The following PCYOX1L variants were observed in gnomAD, a reference collection of about 807,000 sequenced individuals.
PCYOX1L encodes prenylcysteine oxidase 1-like.
In PCYOX1L, 40 loss-of-function variants were observed where a neutral mutation model predicts 44.1. The ratio of observed to expected loss-of-function variants is 0.91; its 90% CI spans 0.70 to 1.18. The LOEUF is 1.18. PCYOX1L is among the 50% of genes most tolerant of loss of function. The pLI, the probability that PCYOX1L is intolerant of heterozygous loss-of-function variation, is 0.00. For synonymous variants in PCYOX1L, 266 were observed against 282.8 expected, an observed-to-expected ratio of 0.94 and a Z score of 0.60; for missense variants, 605 against 653.3, an observed-to-expected ratio of 0.93 and a Z score of 0.81.
intron 1 of PCYOX1L, among the ~76,000 whole-genome samples, chr5:149,360,794 G>A (rs1757986421): frequency 6.6e-6 from 1 of 152,180 alleles, no homozygotes; most frequent in Non-Finnish European, 1.5e-5. Context: ...GAGAAGCCTA[G>A]ACAGACAAGA....
At chr5:149,363,872 G>T in intron 2 of PCYOX1L, 164 bp from the exon 3 acceptor site, 1 of 677,092 alleles carries the variant, frequency 1.5e-6, no homozygotes, top group Non-Finnish European at 2.3e-6. Context: ...TTATTGACTT[G>T]GTAGTCCAAA....
In PCYOX1L at chr5:149,362,701, T is replaced by G; in HGVS notation, c.153T>G (p.Pro51=). 1 of 1,614,162 alleles carries G rather than the reference T, an allele frequency of 6.2e-7. No individual in the cohort carries two copies. The highest frequency in any genetic ancestry group is 1.3e-5 in the African/African-American group (1 of 75,034). The stretch of plus-strand genomic sequence containing the variant: ...ATTTTCTCCAGCAGCACTTTGGACC[T>G]CGGGTGCAGATCGACGTGTACGAGA... ...VAHFLQQHFG[P]RVQIDVYEKG... The change falls in exon 2 of 6, where the codon CCT becomes CCG. Residue 51 remains proline (P), a synonymous_variant. Transcript: ENST00000274569.
At chr5:149,365,822 C>T (rs917634125) in intron 3 of PCYOX1L, 120 bp from the exon 4 acceptor site, 4 of 862,800 alleles carry the variant, frequency 4.6e-6, no homozygotes, top group Non-Finnish European at 7.3e-6. Context: ...TCTTCTGCCA[C>T]CACTCCATGT....
chr5:149,367,241 C>A, intron 4 of PCYOX1L, 119 bp from the exon 5 acceptor site: 1 of 1,258,000 alleles, frequency 7.9e-7, no homozygotes, highest in Non-Finnish European at 1.1e-6. Flanking sequence ...TCTCCCCATG[C>A]CCATGGTTGG....
Position 149,368,363 on chromosome 5 carries a change from C to T in PCYOX1L, c.1194C>T (p.Ser398=). The change falls in exon 6 of 6, where the codon TCC becomes TCT. Residue 398 remains serine, a synonymous_variant. Coordinates refer to ENST00000274569, the MANE Select transcript of PCYOX1L (RefSeq NM_024028.4). ...AGGCAGCTGTTTGGCGAGTCCAGTC[C>T]CCCAAGCCCCTCTTTCGGACCCAGC... ...PQEAAVWRVQ[S]PKPLFRTQLK... 1.2e-6 allele frequency: 2 copies of T among 1,614,156 alleles called. No individual in the cohort carries two copies. Among genetic ancestry groups the T allele is most frequent in the South Asian group, 1.1e-5 (1 of 91,082 alleles).
intron 1 of PCYOX1L, 40 bp from the exon 2 acceptor site, chr5:149,362,597 T>G: frequency 6.2e-7 from 1 of 1,608,330 alleles, no homozygotes; most frequent in African/African-American, 1.3e-5. Context: ...ACTCTCATGT[T>G]CTGTCTCTCT....
chr5:149,364,288 T>C (rs1238074211), intron 3 of PCYOX1L, 78 bp downstream of exon 3: 15 of 1,545,894 alleles, frequency 9.7e-6, no homozygotes, highest in Admixed American at 3.9e-5. Flanking sequence ...TTGCCTGTAC[T>C]TTGTGAAAAA....
intron 3 of PCYOX1L, chr5:149,364,661 T>G: frequency 6.4e-6 from 1 of 155,832 alleles, no homozygotes. Flanking sequence ...AAATCCAGAG[T>G]CGTGTGTGAA....
rs1350232882 is a variant in PCYOX1L, at chr5:149,364,088, G to A, written c.348G>A (p.Glu116=). ...VVGRSAIFGG[E]HFMLEETDWY... ...GCAGGAGCGCCATCTTCGGCGGGGAGCACTTCATGCTGGAGGAGACTGACT... is the reference window on the plus strand; with the variant it reads ...GCAGGAGCGCCATCTTCGGCGGGGAACACTTCATGCTGGAGGAGACTGACT... Residue 116 remains glutamate, a synonymous_variant, in exon 3 of 6, where the codon GAG becomes GAA. Coordinates refer to ENST00000274569, the MANE Select transcript of PCYOX1L (RefSeq NM_024028.4). The A allele has an allele frequency of 6.2e-7, 1 of 1,614,158 alleles. No individual in the cohort carries two copies. Among genetic ancestry groups the A allele is most frequent in the Non-Finnish European group, 8.5e-7 (1 of 1,180,010 alleles).
intron 3 of PCYOX1L, 105 bp from the exon 4 acceptor site, chr5:149,365,837 G>A (rs1226672078): frequency 2.0e-6 from 2 of 996,996 alleles, no homozygotes; most frequent in African/African-American, 3.2e-5. Context: ...CCATGTAGAG[G>A]AAGTGATGGG....
In PCYOX1L at chr5:149,368,477, G is replaced by C. The variant is rs139752655; in HGVS notation, c.1308G>C (p.Arg436Ser). Residue 436 changes from arginine (R) to serine (S), a missense_variant, in exon 6 of 6, where the codon AGG (arginine) becomes AGC (serine). Coordinates refer to ENST00000274569, the MANE Select transcript of PCYOX1L (RefSeq NM_024028.4). ...PLYGSRPTLP[R>S]FALHDQLFYL... The stretch of plus-strand genomic sequence containing the variant: ...ATGGCTCCCGCCCCACGCTCCCGAG[G>C]TTTGCACTCCATGACCAGCTCTTCT... 4 of 1,613,234 alleles carry C rather than the reference G, an allele frequency of 2.5e-6. No individual in the cohort carries two copies. The highest frequency in any genetic ancestry group is 1.1e-5 in the South Asian group (1 of 90,974).
intron 4 of PCYOX1L, among the ~76,000 whole-genome samples, chr5:149,366,922 T>G (rs1365268319): frequency 6.6e-6 from 1 of 152,198 alleles, no homozygotes; most frequent in Non-Finnish European, 1.5e-5. Flanking sequence ...CCATTTAAAT[T>G]GCACAATTCA....
At chr5:149,365,245 C>A (rs1304491935) in intron 3 of PCYOX1L, 2 of 152,284 alleles carry the variant, frequency 1.3e-5, no homozygotes, top group African/African-American at 2.4e-5. Flanking sequence ...CCCTCTCAGC[C>A]CTAGTTTCCT....
At chr5:149,364,906 C>T (rs1365520119) in intron 3 of PCYOX1L, 1 of 152,450 alleles carries the variant, frequency 6.6e-6, no homozygotes, top group Non-Finnish European at 1.5e-5. Context: ...CCCTGTTCAC[C>T]AAGCTGTCAC....
At chr5:149,367,033 C>A (rs1758233563) in intron 4 of PCYOX1L, among the ~76,000 whole-genome samples, 1 of 152,158 alleles carries the variant, frequency 6.6e-6, no homozygotes, top group Non-Finnish European at 1.5e-5. Context: ...TTAGCCCTCA[C>A]CTCCCCAACA....
Position 149,362,643 on chromosome 5 carries a change from T to A in PCYOX1L, c.95T>A (p.Val32Asp). The A allele has an allele frequency of 6.2e-7, 1 of 1,614,132 alleles. No individual in the cohort carries two copies. Among genetic ancestry groups the A allele is most frequent in the Non-Finnish European group, 8.5e-7 (1 of 1,180,046 alleles). ...CTCCCGGGCCTGCTGACAGCGGTGG[T>A]TGGGGCTGGGATTGGGGGCTCTGCT... ...GDAPPGKIAVVGAGIGGSAVA... is the reference protein window; with the variant it reads ...GDAPPGKIAVDGAGIGGSAVA... Residue 32 changes from valine to aspartate, a missense_variant, in exon 2 of 6, where the codon GTT becomes GAT. By Grantham distance (152) the Val-to-Asp change is radical. Coordinates refer to ENST00000274569, the MANE Select transcript of PCYOX1L (RefSeq NM_024028.4).
chr5:149,368,098 G>A lies in PCYOX1L; in HGVS notation c.929G>A (p.Ser310Asn), dbSNP rs762438296. The A allele has an allele frequency of 6.2e-7, 1 of 1,612,326 alleles. No homozygotes were observed. The highest frequency in any genetic ancestry group is 8.5e-7 in the Non-Finnish European group (1 of 1,179,034). ...IATPLHLDNS[S>N]SNLTFAGFHP... The stretch of plus-strand genomic sequence containing the variant: ...ACCCCCCTGCACCTGGACAACAGCA[G>A]CAGCAACTTAACCTTTGCAGGCTTC... Residue 310 changes from serine (S) to asparagine (N), a missense_variant, in exon 6 of 6, where the codon AGC (serine) becomes AAC (asparagine). Ser to Asn is a conservative substitution (Grantham distance 46). Transcript: ENST00000274569.
chr5:149,367,640 G>T lies in PCYOX1L; in HGVS notation c.823+140G>T, dbSNP rs192662848. On this transcript the variant is annotated intron_variant, in intron 5 of 5. Transcript: ENST00000274569. ...AAAAGCATTGAGAAGCCCCAACCCT[G>T]CCAGGTGACACTAGAGGGTGCTGTT... The T allele has an allele frequency of 3.4e-4, 417 of 1,233,246 alleles. 1 individual carries two copies. The African/African-American group carries it at 6.1e-3, about 18-fold the overall frequency. The allele number at this position is 1,233,246 out of a possible 1,614,324, so 76.4% of individuals were successfully genotyped here.
chr5:149,367,297 TC>T, intron 4 of PCYOX1L, 62 bp from the exon 5 acceptor site: 2 of 1,550,400 alleles, frequency 1.3e-6, no homozygotes, highest in Admixed American at 4.1e-5. Context: ...AGTACTGGAC[TC>T]CCCAGCCCTC....
Sources: gnomAD v4.1 joint callset for allele counts (sites outside exome capture counted in the v4.1 genomes callset) on GRCh38, gnomAD v4.1.1 for gene constraint, MANE v1.5 for transcripts, NCBI Gene and HGNC (gene_info 2026-07-23, HGNC 2026-07-21) for gene names.